Variants in ZNRF3 observed in about 807,000 individuals in gnomAD.
ZNRF3 encodes E3 ubiquitin-protein ligase ZNRF3.
In ZNRF3, 23 loss-of-function variants were observed where a neutral mutation model predicts 72.5. The observed-to-expected ratio is 0.32, with a 90% CI of 0.23 to 0.45. ZNRF3 has a LOEUF of 0.45. ZNRF3 is among the 20% of genes least tolerant of loss of function. The pLI, the probability that ZNRF3 is intolerant of heterozygous loss-of-function variation, is 1.00. For missense variants in ZNRF3, 1,169 were observed against 1,272.1 expected (o/e 0.92, Z 1.23); for synonymous variants, 610 against 545.3 (o/e 1.12, Z -1.65).
At chr22:28,967,596 A>G (rs1202115116) in intron 1 of ZNRF3, among the ~76,000 whole-genome samples, 3 of 152,154 alleles carry the variant, frequency 2.0e-5, no homozygotes, top group African/African-American at 7.2e-5. Context: ...GGGCTGTTTC[A>G]CTGCGACATA....
Position 29,050,140 on chromosome 22 carries a change from CTCGGGGGATCAGGTGT to C in ZNRF3, c.1960_1975del (p.Ser654ProfsTer7). On this transcript the variant is annotated frameshift_variant, in exon 8 of 9. Coordinates refer to ENST00000544604, the MANE Select transcript of ZNRF3 (RefSeq NM_001206998.2). LOFTEE classifies it high-confidence loss of function. Reference sequence around the variant, plus strand: ...AGCCTTGGCCGGGCCCTGCCTCTCCCTCGGGGGATCAGGTGTCCACCTGCAGCCTGGAGATGAACTA... The same window carrying C: ...AGCCTTGGCCGGGCCCTGCCTCTCCCCCACCTGCAGCCTGGAGATGAACTA... 6.2e-7 allele frequency: 1 copy of C among 1,605,458 alleles called. No individual in the cohort carries two copies.
At chr22:28,901,889 C>A (rs2034111728) in intron 1 of ZNRF3, among the ~76,000 whole-genome samples, 1 of 150,794 alleles carries the variant, frequency 6.6e-6, no homozygotes. Flanking sequence ...AGAAATGGCA[C>A]CACTATTTTG....
intron 2 of ZNRF3, among the ~76,000 whole-genome samples, chr22:28,994,538 C>T (rs1245374772): frequency 2.0e-5 from 3 of 151,680 alleles, no homozygotes; most frequent in East Asian, 1.9e-4. Context: ...GAGTCAAATC[C>T]GTAGAGACAG....
chr22:28,986,541 C>G (rs2035857324), intron 1 of ZNRF3: 2 of 873,492 alleles, frequency 2.3e-6, no homozygotes, highest in Non-Finnish European at 2.7e-6. Context: ...TTATCTGTTT[C>G]CCAGTAACCA....
intron 1 of ZNRF3, among the ~76,000 whole-genome samples, chr22:28,902,333 G>C (rs1190139549): frequency 3.9e-5 from 6 of 152,012 alleles, no homozygotes. Context: ...TGGGAGGACA[G>C]AGCAGTAGTT....
intron 1 of ZNRF3, among the ~76,000 whole-genome samples, chr22:28,927,737 G>A (rs2034630207): frequency 6.6e-6 from 1 of 152,222 alleles, no homozygotes; most frequent in South Asian, 2.1e-4. Flanking sequence ...TTTATCACAT[G>A]GCAGCATATT....
intron 1 of ZNRF3, among the ~76,000 whole-genome samples, chr22:28,920,551 G>A (rs552756480): frequency 2.4e-3 from 358 of 152,298 alleles, no homozygotes; most frequent in African/African-American, 8.3e-3. Flanking sequence ...GATTACAGGC[G>A]TGAGCCACAG....
At chr22:29,024,905 T>TA (rs1182351367) in intron 2 of ZNRF3, 2 of 150,762 alleles carry the variant, frequency 1.3e-5, no homozygotes, top group Admixed American at 6.6e-5. Context: ...GGGTAATCAC[T>TA]AAATAGTTGT....
In ZNRF3 at chr22:29,046,854, A is replaced by G; in HGVS notation, c.883A>G (p.Ile295Val). Residue 295 changes from isoleucine (I) to valine (V), a missense_variant, in exon 6 of 9, where the codon ATC becomes GTC. Ile to Val is a conservative substitution (Grantham distance 29). This residue lies in a region of ZNRF3 where 386 missense variants were observed against 540.7 expected (regional missense o/e 0.71). Transcript: ENST00000544604. ...LSSSSTSDCA[I>V]CLEKYIDGEE... ...CAGCAGCTCCACGTCCGACTGTGCCATCTGTCTGGAGAAGTACATTGATGG... is the reference window on the plus strand; with the variant it reads ...CAGCAGCTCCACGTCCGACTGTGCCGTCTGTCTGGAGAAGTACATTGATGG... The G allele has an allele frequency of 6.2e-7, 1 of 1,604,738 alleles. No homozygotes were observed. Among genetic ancestry groups the G allele is most frequent in the South Asian group, 1.1e-5 (1 of 88,700 alleles).
intron 2 of ZNRF3, among the ~76,000 whole-genome samples, chr22:29,020,643 C>T (rs547226458): frequency 6.6e-6 from 1 of 152,104 alleles, no homozygotes; most frequent in Non-Finnish European, 1.5e-5. Context: ...ATAAGGAGGG[C>T]CGACTGTATA....
chr22:29,036,249 A>G (rs1050688738), intron 2 of ZNRF3, among the ~76,000 whole-genome samples: 1 of 152,218 alleles, frequency 6.6e-6, no homozygotes, highest in African/African-American at 2.4e-5. Flanking sequence ...GGGAAAATGT[A>G]TTACAGAAGT....
In ZNRF3 at chr22:29,053,923, G is replaced by GT. The variant is rs201334273; in HGVS notation, c.*310dup. ...GGTGTGGGATTGAGTTCTCTGCTTT[G>GT]TTTTTTTTTAAGATATTGTATGTAA... On this transcript the variant is annotated 3_prime_UTR_variant, in exon 9 of 9. Transcript: ENST00000544604. The GT allele has an allele frequency of 4.2e-3, 925 of 219,736 alleles. 3 individuals carry two copies. The highest frequency in any genetic ancestry group is 7.9e-3 in the African/African-American group (340 of 43,190). 13.6% of individuals were successfully genotyped at this position (219,736 alleles called of 1,614,324 possible).
At chr22:28,897,022 G>T (rs921746534) in intron 1 of ZNRF3, among the ~76,000 whole-genome samples, 1 of 152,206 alleles carries the variant, frequency 6.6e-6, no homozygotes, top group African/African-American at 2.4e-5. Flanking sequence ...TTCCGTCTCA[G>T]CCTTCCGAGT....
At chr22:28,925,645 G>A (rs1197352051) in intron 1 of ZNRF3, among the ~76,000 whole-genome samples, 3 of 152,018 alleles carry the variant, frequency 2.0e-5, no homozygotes, top group African/African-American at 4.8e-5. Flanking sequence ...ATATTCCACC[G>A]TTAACATTTC....
chr22:29,050,452 C>A lies in ZNRF3; in HGVS notation c.2271C>A (p.Gly757=). ...GGEPQSGSSQ[G]LYGLHPDHLP... is the part of the protein sequence containing the mutation. ...AGCCCCAGTCAGGAAGCTCCCAGGG[C>A]TTGTACGGCCTTCACCCCGACCATT... The change falls in exon 8 of 9, where the codon GGC becomes GGA. Residue 757 remains glycine (G), a synonymous_variant. Transcript: ENST00000544604. 1 of 1,611,836 alleles carries A rather than the reference C, an allele frequency of 6.2e-7. No individual in the cohort carries two copies. Among genetic ancestry groups the A allele is most frequent in the South Asian group, 1.1e-5 (1 of 91,062 alleles).
chr22:28,989,124 C>G (rs2035908190), intron 2 of ZNRF3, among the ~76,000 whole-genome samples: 1 of 152,094 alleles, frequency 6.6e-6, no homozygotes. Flanking sequence ...ATGCAGGGGC[C>G]CAGAAGCTGA....
At chr22:28,890,462 T>C (rs2033864397) in intron 1 of ZNRF3, among the ~76,000 whole-genome samples, 1 of 152,174 alleles carries the variant, frequency 6.6e-6, no homozygotes, top group African/African-American at 2.4e-5. Flanking sequence ...ATCACGCCAC[T>C]GCACTCCAGC....
In ZNRF3 at chr22:28,976,368, A is replaced by T. The variant is rs189102226; in HGVS notation, c.301-10708A>T. Among the ~76,000 whole-genome samples, 952 of 152,266 alleles carry T rather than the reference A, an allele frequency of 6.3e-3. 6 individuals carry two copies. Among genetic ancestry groups the T allele is most frequent in the Middle Eastern group, 0.024 (7 of 294 alleles). ...GAGACCCTGTCTCTACTAAAAATAC[A>T]AAAATTAGCTGGGCATGGTTGTGCA... On this transcript the variant is annotated intron_variant, in intron 1 of 8. Transcript: ENST00000544604.
At chr22:28,892,993 C>G (rs1401215633) in intron 1 of ZNRF3, among the ~76,000 whole-genome samples, 2 of 151,950 alleles carry the variant, frequency 1.3e-5, no homozygotes, top group African/African-American at 4.8e-5. Context: ...CAGTGAAACC[C>G]CGTCTCTACT....
Sources: allele counts gnomAD v4.1 joint callset (sites outside exome capture counted in the v4.1 genomes callset), GRCh38; gene constraint gnomAD v4.1.1; regional missense constraint gnomAD v4.1.1; transcripts MANE v1.5; gene names NCBI Gene and HGNC (gene_info 2026-07-23, HGNC 2026-07-21).